PXDN: variants seen among roughly 807,000 people sequenced by gnomAD.
PXDN encodes the protein peroxidasin.
In PXDN, 77 loss-of-function variants were observed where a neutral mutation model predicts 140.3. The ratio of observed to expected loss-of-function variants is 0.55; its 90% CI spans 0.46 to 0.66. The LOEUF (loss-of-function observed/expected upper bound fraction) is 0.66, where lower values mean the gene tolerates loss of function less well. Among genes scored for constraint, PXDN ranks in the 30% least tolerant of loss-of-function variants. The pLI, the probability that PXDN is intolerant of heterozygous loss-of-function variation, is 0.00. For missense variants in PXDN, 1,838 were observed against 2,039.5 expected, an observed-to-expected ratio of 0.90 and a Z score of 1.90; for synonymous variants, 911 against 857.4, an observed-to-expected ratio of 1.06 and a Z score of -1.09.
intron 1 of PXDN, among the ~76,000 whole-genome samples, chr2:1,737,142 C>T (rs533745151): frequency 3.3e-5 from 5 of 152,260 alleles, no homozygotes; most frequent in South Asian, 2.1e-4. Flanking sequence ...GGGCAGATGA[C>T]GCAGGAGGCA....
Position 1,666,227 on chromosome 2 carries a change from G to A in PXDN, c.1278C>T (p.Phe426=), listed in dbSNP as rs753957482. The A allele has an allele frequency of 2.5e-6, 4 of 1,613,920 alleles. No homozygotes were observed. Among genetic ancestry groups the A allele is most frequent in the Non-Finnish European group, 3.4e-6 (4 of 1,179,768 alleles). The change falls in exon 10 of 23, where the codon TTC becomes TTT. Residue 426 remains phenylalanine, a synonymous_variant. Coordinates refer to ENST00000252804, the MANE Select transcript of PXDN (RefSeq NM_012293.3). ...NNIDSVHATA[F]IIVQALPQFT... is the part of the protein sequence containing the mutation. ...ATGGATACCCACCCTGGACGATGAT[G>A]AAAGCGGTGGCATGGACGCTGTCAA... is the stretch of plus-strand genomic sequence containing the variant.
intron 10 of PXDN, 146 bp downstream of exon 10, chr2:1,666,068 A>T: frequency 8.7e-7 from 1 of 1,151,532 alleles, no homozygotes; most frequent in Non-Finnish European, 1.2e-6. Flanking sequence ...ATTTAGTCCA[A>T]GGGGGGTGTA....
intron 1 of PXDN, among the ~76,000 whole-genome samples, chr2:1,696,006 C>T (rs1402833426): frequency 1.3e-5 from 2 of 152,124 alleles, no homozygotes; most frequent in African/African-American, 4.8e-5. Flanking sequence ...CTGTCCCATC[C>T]ACAGGCCCCT....
chr2:1,691,780 A>G, intron 3 of PXDN, 148 bp downstream of exon 3: 1 of 566,568 alleles, frequency 1.8e-6, no homozygotes, highest in East Asian at 3.3e-5. Flanking sequence ...TAATAATCCC[A>G]GCTAAATGTT....
intron 4 of PXDN, 145 bp from the exon 5 acceptor site, chr2:1,684,296 T>C (rs2125444548): frequency 1.5e-6 from 1 of 662,010 alleles, no homozygotes; most frequent in Non-Finnish European, 2.6e-6. Flanking sequence ...GTATGAACAA[T>C]ACATAAAATT....
intron 16 of PXDN, among the ~76,000 whole-genome samples, chr2:1,652,382 A>G (rs965190644): frequency 2.6e-5 from 4 of 152,106 alleles, no homozygotes; most frequent in African/African-American, 9.7e-5. Flanking sequence ...GGACTTGGGA[A>G]GGGGCTGGGA....
intron 1 of PXDN, among the ~76,000 whole-genome samples, chr2:1,732,631 C>A (rs997739071): frequency 2.6e-5 from 4 of 152,144 alleles, no homozygotes; most frequent in African/African-American, 7.2e-5. Context: ...CTTAAAGAAC[C>A]AAACTGTTTC....
At chr2:1,691,528 C>T (rs189961722) in intron 3 of PXDN, among the ~76,000 whole-genome samples, 3 of 152,320 alleles carry the variant, frequency 2.0e-5, no homozygotes, top group Admixed American at 6.5e-5. Flanking sequence ...TTACATGTCA[C>T]CTGCAGCTGG....
Position 1,648,818 on chromosome 2 carries a change from G to C in PXDN, c.2962C>G (p.His988Asp), listed in dbSNP as rs374095501. Reference protein sequence around the residue: ...ANEQLGLTSMHTLWFREHNRI... With the variant: ...ANEQLGLTSMDTLWFREHNRI... ...TTGTGCTCGCGGAACCACAGCGTGTGCATGCTGGTCAGGCCCAGCTGCTCG... is the reference window on the plus strand; with the variant it reads ...TTGTGCTCGCGGAACCACAGCGTGTCCATGCTGGTCAGGCCCAGCTGCTCG... Residue 988 changes from histidine to aspartate, a missense_variant, in exon 17 of 23, where the codon CAC (histidine) becomes GAC (aspartate). Around this residue, in one of 5 missense-constraint regions of PXDN, gnomAD observed 850 missense variants for 894.1 expected, o/e 0.95. Transcript: ENST00000252804. The surrounding 1 kb of genome is among the most constrained non-coding windows in gnomAD (Gnocchi z 8.9). 5.0e-6 allele frequency: 8 copies of C among 1,602,474 alleles called. No individual in the cohort carries two copies. In the African/African-American group the frequency reaches 1.1e-4, roughly 21 times the overall value.
rs114656406 is a variant in PXDN, at chr2:1,639,468, C to A, written c.3953-46G>T. The A allele has an allele frequency of 6.4e-3, 10,290 of 1,609,430 alleles. 46 individuals carry two copies. Among genetic ancestry groups the A allele is most frequent in the South Asian group, 1.0e-2 (906 of 90,914 alleles). On this transcript the variant is annotated intron_variant, in intron 19 of 22. Transcript: ENST00000252804. The surrounding 1 kb of genome is among the most constrained non-coding windows in gnomAD (Gnocchi z 5.0). ...AGAATGTCAGCTCTGAAGGCTCTGA[C>A]CTCGGGGAAATTAAGCACATCCTGC...
intron 1 of PXDN, among the ~76,000 whole-genome samples, chr2:1,721,688 T>G (rs1210408263): frequency 6.6e-6 from 1 of 152,114 alleles, no homozygotes; most frequent in Admixed American, 6.5e-5. Context: ...TTAGCCGGGC[T>G]TGGTGGCGAG....
At chr2:1,729,725 A>C (rs1685270138) in intron 1 of PXDN, among the ~76,000 whole-genome samples, 2 of 152,252 alleles carry the variant, frequency 1.3e-5, no homozygotes, top group African/African-American at 4.8e-5. Context: ...TTTTAAAAAA[A>C]GATTTCTCTA....
At chr2:1,652,525 G>A (rs1275432697) in intron 16 of PXDN, among the ~76,000 whole-genome samples, 1 of 151,952 alleles carries the variant, frequency 6.6e-6, no homozygotes, top group African/African-American at 2.4e-5. Flanking sequence ...GGTGAGGCTG[G>A]AGTTTCACCC....
At chr2:1,643,707 T>A in intron 18 of PXDN, 131 bp from the exon 19 acceptor site, 1 of 889,570 alleles carries the variant, frequency 1.1e-6, no homozygotes, top group Non-Finnish European at 1.7e-6. Context: ...AGGTGTCACT[T>A]AAAAATGGAC....
chr2:1,676,817 T>G, intron 8 of PXDN, 110 bp downstream of exon 8: 2 of 986,590 alleles, frequency 2.0e-6, no homozygotes, highest in South Asian at 1.4e-5. Flanking sequence ...TTTCCCTACG[T>G]GGAGGAGGAA....
intron 1 of PXDN, among the ~76,000 whole-genome samples, chr2:1,719,058 G>A (rs1282677621): frequency 5.9e-5 from 9 of 152,262 alleles, no homozygotes; most frequent in Non-Finnish European, 8.8e-5. Flanking sequence ...GCCGAGCTGA[G>A]ACGCCAGGGG....
At chr2:1,664,305 G>C (rs1683379379) in intron 11 of PXDN, 1 of 157,736 alleles carries the variant, frequency 6.3e-6, no homozygotes, top group Admixed American at 6.0e-5. Context: ...GGAGTGGCCA[G>C]GATGTCTCAG....
Position 1,658,056 on chromosome 2 carries a change from CTCTCTCTCTCTCTCTCTCTCTCTCT to C in PXDN, c.1837+2800_1837+2824del, listed in dbSNP as rs1558494324. 3.4e-3 allele frequency among the ~76,000 whole-genome samples: 442 copies of C among 131,260 alleles called. 43 individuals are homozygous for C. The highest frequency in any genetic ancestry group is 0.011 in the Admixed American group (141 of 13,426). The allele number at this position is 131,260 out of a possible 152,430, so 86.1% of individuals were successfully genotyped here. On this transcript the variant is annotated intron_variant, in intron 14 of 22. Coordinates refer to ENST00000252804, the MANE Select transcript of PXDN (RefSeq NM_012293.3). Reference sequence around the variant, plus strand: ...TCTCTCTCTCTCTCTCTCTCTCTCTCTCTCTCTCTCTCTCTCTCTCTCTCTCTCTCTCTCTCTGTTACAGTGTCTG... The same window carrying C: ...TCTCTCTCTCTCTCTCTCTCTCTCTCCTCTCTCTCTCTGTTACAGTGTCTG...
chr2:1,698,725 T>C (rs775498658), intron 1 of PXDN, among the ~76,000 whole-genome samples: 31 of 152,154 alleles, frequency 2.0e-4, no homozygotes, highest in Non-Finnish European at 3.8e-4. Context: ...CTCTTCCACT[T>C]ACATTCAAGA....
Sources: allele counts gnomAD v4.1 joint callset (sites outside exome capture counted in the v4.1 genomes callset), GRCh38; gene constraint gnomAD v4.1.1; regional missense constraint gnomAD v4.1.1; non-coding constraint Gnocchi (gnomAD v3.1); transcripts MANE v1.5; gene names NCBI Gene and HGNC (gene_info 2026-07-23, HGNC 2026-07-21).